Variants in BCAT1 observed in about 807,000 individuals in gnomAD.
The protein encoded by BCAT1 is branched-chain-amino-acid aminotransferase, cytosolic.
In BCAT1, 48 loss-of-function variants were observed where a neutral mutation model predicts 52.4. The ratio of observed to expected loss-of-function variants is 0.92; its 90% confidence interval spans 0.73 to 1.16. The LOEUF (loss-of-function observed/expected upper bound fraction) is 1.16, where lower values mean the gene tolerates loss of function less well. Ranked by LOEUF, BCAT1 falls within the 50% of genes most tolerant of loss-of-function variation. The pLI, the probability that BCAT1 is intolerant of heterozygous loss-of-function variation, is 0.00. For missense variants in BCAT1, 451 were observed against 457.1 expected, an observed-to-expected ratio of 0.99 and a Z score of 0.12; for synonymous variants, 167 against 161.3, an observed-to-expected ratio of 1.04 and a Z score of -0.27.
chr12:24,876,526 G>A (rs1253502132), intron 5 of BCAT1, among the ~76,000 whole-genome samples: 1 of 152,032 alleles, frequency 6.6e-6, no homozygotes, highest in Non-Finnish European at 1.5e-5. Flanking sequence ...AAAAGCAATT[G>A]ACAAAATCCA....
intron 7 of BCAT1, among the ~76,000 whole-genome samples, chr12:24,836,838 G>GA (rs1940954017): frequency 2.5e-5 from 2 of 80,480 alleles, no homozygotes; most frequent in Admixed American, 2.4e-4. Context: ...AGGAAGGAAG[G>GA]AGAGAGAGAG....
intron 5 of BCAT1, among the ~76,000 whole-genome samples, chr12:24,850,835 C>T (rs190776514): frequency 2.6e-5 from 4 of 152,152 alleles, no homozygotes; most frequent in Admixed American, 6.5e-5. Flanking sequence ...GAAGGCTGCC[C>T]GAATTGAGAA....
At chr12:24,844,435 A>AAAAT (rs966434140) in intron 6 of BCAT1, among the ~76,000 whole-genome samples, 20 of 149,900 alleles carry the variant, frequency 1.3e-4, no homozygotes, top group South Asian at 6.2e-4. Flanking sequence ...CCGTCTCAAA[A>AAAAT]AAATAAATAA....
intron 5 of BCAT1, among the ~76,000 whole-genome samples, chr12:24,868,533 C>A (rs1318761768): frequency 6.6e-6 from 1 of 152,080 alleles, no homozygotes; most frequent in Non-Finnish European, 1.5e-5. Flanking sequence ...GCACTGTAAT[C>A]AGTGAGGAAA....
Position 24,816,802 on chromosome 12 carries a change from C to T in BCAT1, c.*1206G>A. On this transcript the variant is annotated 3_prime_UTR_variant, in exon 11 of 11. Transcript: ENST00000261192. ...ATGAAACTGTTACACCTCAGGTCAT[C>T]AAGCATTAGATTCTCATAAGGAGCG... 2.6e-6 allele frequency: 1 copy of T among 382,924 alleles called. No individual in the cohort carries two copies. The highest frequency in any genetic ancestry group is 4.6e-6 in the Non-Finnish European group (1 of 216,064). The allele number at this position is 382,924 out of a possible 1,614,324, so 23.7% of individuals were successfully genotyped here.
chr12:24,835,089 T>C (rs573584792), intron 8 of BCAT1, among the ~76,000 whole-genome samples: 1 of 152,370 alleles, frequency 6.6e-6, no homozygotes, highest in East Asian at 1.9e-4. Context: ...GAACCTTCTG[T>C]ACTTGGTTGA....
intron 2 of BCAT1, 54 bp downstream of exon 2, chr12:24,901,760 G>A: frequency 1.3e-6 from 2 of 1,545,764 alleles, no homozygotes; most frequent in African/African-American, 1.4e-5. Context: ...ACAAGAAATG[G>A]ATTTATTCAG....
chr12:24,939,520 A>G (rs553398806), intron 1 of BCAT1, among the ~76,000 whole-genome samples: 1 of 152,310 alleles, frequency 6.6e-6, no homozygotes, highest in East Asian at 1.9e-4. Context: ...ACTGTCAAAA[A>G]TATGTTACTG....
At chr12:24,943,503 A>AAAT in intron 1 of BCAT1, among the ~76,000 whole-genome samples, 1 of 150,874 alleles carries the variant, frequency 6.6e-6, no homozygotes, top group East Asian at 1.9e-4. Context: ...GAAAAAAAAA[A>AAAT]AAAAAAAAAA....
At chr12:24,913,119 C>T (rs1052856961) in intron 1 of BCAT1, among the ~76,000 whole-genome samples, 1 of 151,850 alleles carries the variant, frequency 6.6e-6, no homozygotes, top group Admixed American at 6.6e-5. Context: ...GTTCATGTGC[C>T]ACAGAACCTA....
chr12:24,837,550 C>T (rs547418391), intron 7 of BCAT1, among the ~76,000 whole-genome samples: 33 of 151,512 alleles, frequency 2.2e-4, no homozygotes, highest in African/African-American at 7.5e-4. Context: ...CCTCAGCCTC[C>T]TGAGTAGCTG....
At chr12:24,836,673 A>G in intron 7 of BCAT1, 77 bp from the exon 8 acceptor site, 1 of 1,219,456 alleles carries the variant, frequency 8.2e-7, no homozygotes, top group Non-Finnish European at 1.2e-6. Context: ...CATTTTTTTA[A>G]AAAACCATCA....
At chr12:24,858,089 G>A (rs1379178776) in intron 5 of BCAT1, among the ~76,000 whole-genome samples, 1 of 152,140 alleles carries the variant, frequency 6.6e-6, no homozygotes, top group East Asian at 1.9e-4. Flanking sequence ...AACTGCACCT[G>A]TTTATTAGGC....
chr12:24,852,140 C>T (rs980229989), intron 5 of BCAT1, among the ~76,000 whole-genome samples: 1 of 152,134 alleles, frequency 6.6e-6, no homozygotes, highest in Non-Finnish European at 1.5e-5. Context: ...GTCCTTGCTT[C>T]CCTTTCACCT....
rs370552468 is a variant in BCAT1, at chr12:24,850,584, A to G, written c.511-635T>C. On this transcript the variant is annotated intron_variant, in intron 5 of 10. Transcript: ENST00000261192. ...AAGGTTTCTTTGCACATCATGAACT[A>G]TAACCTAAGTGGACATTATAAACAG... 9.9e-5 allele frequency among the ~76,000 whole-genome samples: 15 copies of G among 152,226 alleles called. No individual in the cohort carries two copies. The East Asian group carries it at 2.3e-3, about 23-fold the overall frequency.
chr12:24,913,696 T>C (rs1943364041), intron 1 of BCAT1, among the ~76,000 whole-genome samples: 1 of 152,054 alleles, frequency 6.6e-6, no homozygotes, highest in Non-Finnish European at 1.5e-5. Flanking sequence ...ACAAAAAAGG[T>C]ATGGTCTAAT....
At chr12:24,943,911 G>A (rs1234604276) in intron 1 of BCAT1, among the ~76,000 whole-genome samples, 1 of 152,036 alleles carries the variant, frequency 6.6e-6, no homozygotes, top group Non-Finnish European at 1.5e-5. Context: ...GTGAACCCAG[G>A]AGGCGGAGCT....
At chr12:24,856,076 G>A (rs536298378) in intron 5 of BCAT1, among the ~76,000 whole-genome samples, 6 of 152,272 alleles carry the variant, frequency 3.9e-5, no homozygotes, top group Admixed American at 1.3e-4. Flanking sequence ...TGTGTTGATT[G>A]ATGCCTTTGC....
chr12:24,926,473 T>C (rs565667285), intron 1 of BCAT1, among the ~76,000 whole-genome samples: 34 of 152,354 alleles, frequency 2.2e-4, no homozygotes, highest in African/African-American at 7.9e-4. Context: ...CAACAGCTCA[T>C]TGAGAACGGG....
Sources: gnomAD v4.1 joint callset for allele counts (sites outside exome capture counted in the v4.1 genomes callset) on GRCh38, gnomAD v4.1.1 for gene constraint, MANE v1.5 for transcripts, NCBI Gene and HGNC (gene_info 2026-07-23, HGNC 2026-07-21) for gene names.